Variants in PTPRD observed in about 807,000 individuals in gnomAD.
The protein encoded by PTPRD is receptor-type tyrosine-protein phosphatase delta.
In PTPRD, 34 loss-of-function variants were observed where a neutral mutation model predicts 214.5. The observed-to-expected ratio is 0.16, with a 90% CI of 0.12 to 0.21. The LOEUF (loss-of-function observed/expected upper bound fraction) is 0.21. Among genes scored for constraint, PTPRD ranks in the 10% least tolerant of loss-of-function variants. PTPRD has a pLI of 1.00. For synonymous variants in PTPRD, 1,128 were observed against 845.7 expected, an observed-to-expected ratio of 1.33 and a Z score of -5.79; for missense variants, 2,545 against 2,398.7, an observed-to-expected ratio of 1.06 and a Z score of -1.27.
At chr9:10,590,684 A>T (rs934045040) in intron 2 of PTPRD, among the ~76,000 whole-genome samples, 9 of 151,876 alleles carry the variant, frequency 5.9e-5, no homozygotes, top group African/African-American at 2.2e-4. Context: ...CTTTGTATGG[A>T]AATACAGTAA....
intron 4 of PTPRD, among the ~76,000 whole-genome samples, chr9:10,012,988 A>G (rs1246258594): frequency 6.6e-6 from 1 of 152,018 alleles, no homozygotes; most frequent in African/African-American, 2.4e-5. Context: ...CAATATTTTA[A>G]TAATCATTTC....
At chr9:8,706,790 C>T (rs1000117380) in intron 12 of PTPRD, among the ~76,000 whole-genome samples, 6 of 152,152 alleles carry the variant, frequency 3.9e-5, no homozygotes, top group African/African-American at 1.2e-4. Flanking sequence ...CATAGCTTGG[C>T]GTCCAGTGTT....
At chr9:8,439,754 T>C (rs13297473) in intron 34 of PTPRD, among the ~76,000 whole-genome samples, 17,786 of 151,978 alleles carry the variant, frequency 0.12, 1,117 homozygotes, top group South Asian at 0.18. Flanking sequence ...AAAAATGTTA[T>C]ATGATATAAA....
intron 9 of PTPRD, among the ~76,000 whole-genome samples, chr9:9,369,048 G>A (rs1254824600): frequency 6.6e-6 from 1 of 152,042 alleles, no homozygotes; most frequent in Non-Finnish European, 1.5e-5. Flanking sequence ...TGCTGAGAAT[G>A]ATGGTTTCCA....
At chr9:8,808,850 T>C (rs2096741991) in intron 11 of PTPRD, among the ~76,000 whole-genome samples, 1 of 152,134 alleles carries the variant, frequency 6.6e-6, no homozygotes, top group Non-Finnish European at 1.5e-5. Context: ...AATATACATT[T>C]TCAAAGAGCT....
At chr9:9,308,765 T>C (rs1320024748) in intron 9 of PTPRD, among the ~76,000 whole-genome samples, 1 of 152,188 alleles carries the variant, frequency 6.6e-6, no homozygotes, top group Non-Finnish European at 1.5e-5. Context: ...ATTTAAAACA[T>C]AATGTATTCT....
Position 9,668,205 on chromosome 9 carries a change from C to T in PTPRD, c.-287+66328G>A, listed in dbSNP as rs185932786. 2.8e-3 allele frequency among the ~76,000 whole-genome samples: 433 copies of T among 152,140 alleles called. 2 individuals carry two copies. The highest frequency in any genetic ancestry group is 9.8e-3 in the African/African-American group (407 of 41,494). On this transcript the variant is annotated intron_variant, in intron 7 of 45. Transcript: ENST00000381196. ...AACAATAACTGATTATAAGCACAAC[C>T]GATAAAACGAAATCATTCTACTGTC...
chr9:8,366,051 G>T (rs2079790811), intron 39 of PTPRD, among the ~76,000 whole-genome samples: 1 of 152,300 alleles, frequency 6.6e-6, no homozygotes, highest in East Asian at 1.9e-4. Context: ...TGGCACACAG[G>T]TGTACCAGAA....
At chr9:8,865,396 C>A (rs1372661532) in intron 11 of PTPRD, among the ~76,000 whole-genome samples, 1 of 152,028 alleles carries the variant, frequency 6.6e-6, no homozygotes, top group Non-Finnish European at 1.5e-5. Context: ...GCACAATAGG[C>A]ATTTCATAAA....
intron 21 of PTPRD, 127 bp downstream of exon 21, chr9:8,517,721 G>A: frequency 1.3e-6 from 1 of 748,388 alleles, no homozygotes; most frequent in Non-Finnish European, 2.2e-6. Flanking sequence ...ATCATCTGTT[G>A]CTTTGAAGCC....
At chr9:10,045,255 T>A (rs1412454071) in intron 3 of PTPRD, among the ~76,000 whole-genome samples, 1 of 151,774 alleles carries the variant, frequency 6.6e-6, no homozygotes, top group Admixed American at 6.6e-5. Flanking sequence ...ATAAAAATAA[T>A]ATTTTTTTGG....
intron 8 of PTPRD, among the ~76,000 whole-genome samples, chr9:9,402,188 G>C (rs2070904857): frequency 6.6e-6 from 1 of 152,062 alleles, no homozygotes; most frequent in Admixed American, 6.6e-5. Context: ...GACAAATGCT[G>C]TAATGCATCC....
intron 5 of PTPRD, among the ~76,000 whole-genome samples, chr9:9,923,838 T>C (rs529291665): frequency 6.6e-6 from 1 of 151,764 alleles, no homozygotes; most frequent in African/African-American, 2.4e-5. Context: ...GGTATTGAAA[T>C]CAAGGAGAAT....
At chr9:8,456,086 AGTTT>A (rs1431647398) in intron 33 of PTPRD, among the ~76,000 whole-genome samples, 2 of 152,164 alleles carry the variant, frequency 1.3e-5, no homozygotes, top group Non-Finnish European at 1.5e-5. Flanking sequence ...GAAGGAATTG[AGTTT>A]GTTTAATACT....
intron 11 of PTPRD, among the ~76,000 whole-genome samples, chr9:8,849,714 G>A (rs977319442): frequency 2.0e-5 from 3 of 152,162 alleles, no homozygotes; most frequent in African/African-American, 7.2e-5. Context: ...ATGACTGCAG[G>A]GAATGTGATA....
At chr9:8,594,266 T>A (rs1346286176) in intron 14 of PTPRD, among the ~76,000 whole-genome samples, 1 of 152,116 alleles carries the variant, frequency 6.6e-6, no homozygotes. Flanking sequence ...AAGACAAAAA[T>A]CAAACCAAAT....
intron 3 of PTPRD, among the ~76,000 whole-genome samples, chr9:10,162,669 G>GTA (rs1564233324): frequency 6.9e-5 from 10 of 145,180 alleles, no homozygotes; most frequent in East Asian, 2.0e-4. Context: ...ACATGTATAT[G>GTA]TATATACATG....
At chr9:8,884,985 G>A (rs529843027) in intron 11 of PTPRD, among the ~76,000 whole-genome samples, 74 of 152,250 alleles carry the variant, frequency 4.9e-4, no homozygotes, top group Admixed American at 7.2e-4. Flanking sequence ...CAGTGAGGGG[G>A]AATACAACGT....
Position 8,468,383 on chromosome 9 carries a change from C to G in PTPRD, c.3504+2612G>C, listed in dbSNP as rs531763584. ...AAAAGCTCATGATCTATTACATGAC[C>G]TGCTCTGAATTAAATATCACTAACA... On this transcript the variant is annotated intron_variant, in intron 31 of 45. Coordinates refer to ENST00000381196, the MANE Select transcript of PTPRD (RefSeq NM_002839.4). Among the ~76,000 whole-genome samples the G allele has an allele frequency of 3.3e-5, 5 of 152,036 alleles. No individual in the cohort carries two copies. The Middle Eastern group carries it at 0.01, about 310-fold the overall frequency.
Sources: gnomAD v4.1 joint callset for allele counts (sites outside exome capture counted in the v4.1 genomes callset) on GRCh38, gnomAD v4.1.1 for gene constraint, MANE v1.5 for transcripts, NCBI Gene and HGNC (gene_info 2026-07-23, HGNC 2026-07-21) for gene names.